UXS1: variants seen among roughly 807,000 people sequenced by gnomAD.
UXS1 encodes UDP-glucuronic acid decarboxylase 1.
In UXS1, 33 loss-of-function variants were observed where a neutral mutation model predicts 62.6. That is an observed-to-expected ratio of 0.53 (90% CI 0.40 to 0.70). The LOEUF (loss-of-function observed/expected upper bound fraction) is 0.70. UXS1 is among the 30% of genes least tolerant of loss of function. UXS1 has a pLI of 0.00. For missense variants in UXS1, 434 were observed against 556.3 expected, an observed-to-expected ratio of 0.78 and a Z score of 2.21; for synonymous variants, 213 against 206.8, an observed-to-expected ratio of 1.03 and a Z score of -0.26.
At chr2:106,149,361 C>G (rs1000712792) in intron 5 of UXS1, among the ~76,000 whole-genome samples, 3 of 152,172 alleles carry the variant, frequency 2.0e-5, no homozygotes, top group Admixed American at 6.5e-5. Context: ...ACCAAAAGCA[C>G]ATTTTGGTAA....
intron 9 of UXS1, among the ~76,000 whole-genome samples, chr2:106,114,385 A>C (rs1332988100): frequency 6.6e-6 from 1 of 152,198 alleles, no homozygotes; most frequent in African/African-American, 2.4e-5. Context: ...CACCGAACTA[A>C]TGAGTGTATT....
intron 6 of UXS1, among the ~76,000 whole-genome samples, chr2:106,137,469 T>G (rs1242779597): frequency 1.3e-5 from 2 of 152,088 alleles, no homozygotes; most frequent in Non-Finnish European, 2.9e-5. Flanking sequence ...CCACTGCCAC[T>G]TTGGAGCAGG....
intron 5 of UXS1, among the ~76,000 whole-genome samples, chr2:106,148,924 T>C (rs1209448595): frequency 6.6e-6 from 1 of 152,216 alleles, no homozygotes; most frequent in Non-Finnish European, 1.5e-5. Context: ...TAGGGGTTTG[T>C]CTCAGTGTGC....
intron 5 of UXS1, among the ~76,000 whole-genome samples, chr2:106,148,511 C>CA (rs1681760695): frequency 6.6e-6 from 1 of 152,196 alleles, no homozygotes; most frequent in South Asian, 2.1e-4. Flanking sequence ...ATCAGAGATG[C>CA]AGCGTATTAA....
At chr2:106,113,043 A>C (rs1678749013) in intron 9 of UXS1, among the ~76,000 whole-genome samples, 1 of 152,212 alleles carries the variant, frequency 6.6e-6, no homozygotes, top group Non-Finnish European at 1.5e-5. Flanking sequence ...CAAACAGTAC[A>C]AGGAGGAAAA....
At chr2:106,109,853 G>A (rs968194049) in intron 10 of UXS1, among the ~76,000 whole-genome samples, 6 of 152,156 alleles carry the variant, frequency 3.9e-5, no homozygotes, top group South Asian at 2.1e-4. Context: ...AAGGGAGAAC[G>A]AGACGCTGAG....
chr2:106,183,413 T>C (rs1034676101), intron 1 of UXS1: 23 of 152,270 alleles, frequency 1.5e-4, no homozygotes, highest in African/African-American at 4.6e-4. Flanking sequence ...TTTCCTTTTC[T>C]AGCACATCCA....
In UXS1 at chr2:106,123,064, T is replaced by A; in HGVS notation, c.665A>T (p.Asp222Val). 6.2e-7 allele frequency: 1 copy of A among 1,613,956 alleles called. No individual in the cohort carries two copies. The highest frequency in any genetic ancestry group is 1.1e-5 in the South Asian group (1 of 91,084). The change falls in exon 9 of 15, where the codon GAT (aspartate) becomes GTT (valine). Residue 222 changes from aspartate to valine, a missense_variant. By Grantham distance (152) the Asp-to-Val change is radical. Around this residue, in one of 3 missense-constraint regions of UXS1, gnomAD observed 134 missense variants for 251.9 expected, o/e 0.53. Transcript: ENST00000283148. ...TATTGGATTCACGTGGCCCCAGTAA[T>A]CCTCACTTTGAGGGTGGACTTCAGG... ...GDPEVHPQSEDYWGHVNPIGP... is the reference protein window; with the variant it reads ...GDPEVHPQSEVYWGHVNPIGP...
intron 8 of UXS1, among the ~76,000 whole-genome samples, chr2:106,125,378 G>T (rs940358174): frequency 2.6e-5 from 4 of 152,230 alleles, no homozygotes; most frequent in Non-Finnish European, 5.9e-5. Context: ...ATCATAAATG[G>T]TGGGTCTTTA....
At position 106,097,066 on chromosome 2, in the gene UXS1, G is replaced by GGGC. The variant is rs1005610828; in HGVS notation, c.1043-248_1043-246dup. The GGGC allele has an allele frequency of 8.0e-6, 5 of 628,308 alleles. No individual in the cohort carries two copies. In the African/African-American group the frequency reaches 9.0e-5, roughly 11 times the overall value. The allele number at this position is 628,308 out of a possible 1,614,324, so 38.9% of individuals were successfully genotyped here. ...AGGCGCCCAGCAAGAGCTCGGTGGG[G>GGGC]GGCAGGTTATTCTGTCTCAACAGGC... On this transcript the variant is annotated intron_variant, in intron 13 of 14. Transcript: ENST00000283148.
intron 1 of UXS1, among the ~76,000 whole-genome samples, chr2:106,180,301 G>A (rs1684162257): frequency 6.6e-6 from 1 of 152,168 alleles, no homozygotes; most frequent in African/African-American, 2.4e-5. Flanking sequence ...TATACTTCCA[G>A]ACTGTTTGAC....
chr2:106,129,817 G>A lies in UXS1; in HGVS notation c.473-39C>T, dbSNP rs1268391026. On this transcript the variant is annotated intron_variant, in intron 6 of 14. Coordinates refer to ENST00000283148, the MANE Select transcript of UXS1 (RefSeq NM_001253875.2). ...AACAGAAGCCTATTACTTCAAAAAA[G>A]CACCAAAAAAATACTGACCTCCTAG... is the stretch of plus-strand genomic sequence containing the variant. The A allele has an allele frequency of 8.4e-6, 12 of 1,431,530 alleles. No individual in the cohort carries two copies. In the Admixed American group the frequency reaches 1.1e-4, roughly 14 times the overall value. 88.7% of individuals were successfully genotyped at this position (1,431,530 alleles called of 1,614,324 possible). A position where few individuals can be genotyped will look rare whatever the true frequency, so the allele number is the denominator to read the frequency against.
chr2:106,140,605 G>C (rs1346640014), intron 6 of UXS1, among the ~76,000 whole-genome samples: 1 of 130,962 alleles, frequency 7.6e-6, no homozygotes, highest in African/African-American at 3.0e-5. Context: ...TGAGCATCCA[G>C]GTAAAAGGCA....
intron 10 of UXS1, among the ~76,000 whole-genome samples, chr2:106,112,126 C>T (rs760588636): frequency 7.9e-5 from 12 of 152,156 alleles, no homozygotes; most frequent in South Asian, 2.1e-4. Context: ...ACATCTTTGC[C>T]ACACACTTGG....
At chr2:106,144,372 G>A (rs576355419) in intron 6 of UXS1, among the ~76,000 whole-genome samples, 12 of 152,266 alleles carry the variant, frequency 7.9e-5, no homozygotes, top group African/African-American at 2.6e-4. Flanking sequence ...GGTTAGAGCA[G>A]AAAGAGAACA....
chr2:106,177,223 T>C (rs1455212073), intron 1 of UXS1, among the ~76,000 whole-genome samples: 1 of 124,438 alleles, frequency 8.0e-6, no homozygotes, highest in African/African-American at 3.2e-5. Context: ...TGAGATGGAG[T>C]CTTGCTCTGT....
intron 1 of UXS1, among the ~76,000 whole-genome samples, chr2:106,173,123 C>T (rs761656120): frequency 8.5e-5 from 13 of 152,352 alleles, no homozygotes; most frequent in African/African-American, 1.4e-4. Flanking sequence ...GTAAGCTCCA[C>T]AGCAGCAACA....
intron 2 of UXS1, 102 bp downstream of exon 2, chr2:106,165,954 A>G (rs1683184805): frequency 1.7e-6 from 2 of 1,191,874 alleles, no homozygotes; most frequent in Admixed American, 2.7e-5. Context: ...TTTGTTTTAA[A>G]AATATTTTTC....
At chr2:106,139,578 T>C (rs905754479) in intron 6 of UXS1, among the ~76,000 whole-genome samples, 23 of 152,348 alleles carry the variant, frequency 1.5e-4, no homozygotes, top group Admixed American at 4.6e-4. Flanking sequence ...CGGGATAACC[T>C]GAAACCACTG....
Sources: allele counts gnomAD v4.1 joint callset (sites outside exome capture counted in the v4.1 genomes callset), GRCh38; gene constraint gnomAD v4.1.1; regional missense constraint gnomAD v4.1.1; transcripts MANE v1.5; gene names NCBI Gene and HGNC (gene_info 2026-07-23, HGNC 2026-07-21).